XPR1: variants seen among roughly 807,000 people sequenced by gnomAD.
The protein encoded by XPR1 is solute carrier family 53 member 1.
In XPR1, 28 loss-of-function variants were observed where a neutral mutation model predicts 87.5. The ratio of observed to expected loss-of-function variants is 0.32; its 90% CI spans 0.24 to 0.44. XPR1 has a LOEUF of 0.44. XPR1 is among the 20% of genes least tolerant of loss of function. XPR1 has a pLI of 1.00. For missense variants in XPR1, 559 were observed against 862.3 expected (o/e 0.65, Z 4.41); for synonymous variants, 300 against 306.1 (o/e 0.98, Z 0.21).
chr1:180,781,461 A>G (rs1648936390), intron 2 of XPR1, among the ~76,000 whole-genome samples: 1 of 152,006 alleles, frequency 6.6e-6, no homozygotes, highest in Non-Finnish European at 1.5e-5. Flanking sequence ...CCTTTTATGT[A>G]TTTAACCCAA....
chr1:180,639,220 G>A (rs1283957147), intron 1 of XPR1, among the ~76,000 whole-genome samples: 4 of 152,054 alleles, frequency 2.6e-5, no homozygotes, highest in Admixed American at 6.5e-5. Context: ...CCCAGGAGGC[G>A]GAGGTTGCAG....
chr1:180,717,364 G>A (rs1307754983), intron 2 of XPR1, among the ~76,000 whole-genome samples: 1 of 152,036 alleles, frequency 6.6e-6, no homozygotes, highest in African/African-American at 2.4e-5. Flanking sequence ...TAAGAAGACT[G>A]TTTTTTAAAA....
intron 2 of XPR1, among the ~76,000 whole-genome samples, chr1:180,771,282 G>GC (rs1553246872): frequency 1.0e-4 from 15 of 148,842 alleles, no homozygotes; most frequent in African/African-American, 2.7e-4. Flanking sequence ...GTTTGAATTG[G>GC]TTTTTTTTTT....
chr1:180,685,181 A>C (rs1170493667), intron 2 of XPR1, among the ~76,000 whole-genome samples: 2 of 152,094 alleles, frequency 1.3e-5, no homozygotes, highest in Admixed American at 6.5e-5. Context: ...ATTTATTGAG[A>C]GTTTTTAGCA....
chr1:180,699,160 A>G (rs993002610), intron 2 of XPR1, among the ~76,000 whole-genome samples: 1 of 148,934 alleles, frequency 6.7e-6, no homozygotes, highest in Non-Finnish European at 1.5e-5. Context: ...TGTCTGCTTT[A>G]TAGTGTCCCA....
chr1:180,675,931 T>C (rs1400514195), intron 1 of XPR1, among the ~76,000 whole-genome samples: 1 of 152,194 alleles, frequency 6.6e-6, no homozygotes, highest in East Asian at 1.9e-4. Context: ...AGATCATTAC[T>C]ACCAAAAATA....
At chr1:180,643,447 G>A (rs1655017872) in intron 1 of XPR1, among the ~76,000 whole-genome samples, 1 of 152,088 alleles carries the variant, frequency 6.6e-6, no homozygotes, top group Admixed American at 6.6e-5. Flanking sequence ...AACAGTAATA[G>A]CATAACATTC....
chr1:180,857,420 CACTGTTGTGT>C (rs1652073690), intron 11 of XPR1, among the ~76,000 whole-genome samples: 1 of 152,138 alleles, frequency 6.6e-6, no homozygotes, highest in Admixed American at 6.5e-5. Flanking sequence ...AAATAAGATT[CACTGTTGTGT>C]ACCTGGTACC....
In XPR1 at chr1:180,656,421, A is replaced by T. The variant is rs1571686056; in HGVS notation, c.69+24151A>T. 1.1e-4 allele frequency among the ~76,000 whole-genome samples: 5 copies of T among 45,926 alleles called. 1 individual carries two copies. Among genetic ancestry groups the T allele is most frequent in the African/African-American group, 5.6e-4 (5 of 8,996 alleles). 30.1% of individuals were successfully genotyped at this position (45,926 alleles called of 152,430 possible). A position where few individuals can be genotyped will look rare whatever the true frequency, so the allele number is the denominator to read the frequency against. On this transcript the variant is annotated intron_variant, in intron 1 of 14. Coordinates refer to ENST00000367590, the MANE Select transcript of XPR1 (RefSeq NM_004736.4). Reference sequence around the variant, plus strand: ...TATAAATATTTATATATTTATATATAAATATTTATATATTTATATATAAAT... The same window carrying T: ...TATAAATATTTATATATTTATATATTAATATTTATATATTTATATATAAAT...
intron 2 of XPR1, among the ~76,000 whole-genome samples, chr1:180,750,485 T>C (rs1246352934): frequency 3.3e-5 from 5 of 152,136 alleles, no homozygotes; most frequent in East Asian, 1.9e-4. Context: ...TTTGCAAATA[T>C]ATTAAGGAAG....
At chr1:180,736,836 G>A (rs1373188728) in intron 2 of XPR1, among the ~76,000 whole-genome samples, 2 of 152,070 alleles carry the variant, frequency 1.3e-5, no homozygotes, top group Non-Finnish European at 2.9e-5. Context: ...GCAGGTATAC[G>A]CAGATTTACC....
chr1:180,851,006 A>G (rs552239269), intron 11 of XPR1, among the ~76,000 whole-genome samples: 3 of 152,074 alleles, frequency 2.0e-5, no homozygotes, highest in African/African-American at 7.2e-5. Flanking sequence ...TATTTCTTTT[A>G]AAGTGGTTAT....
At chr1:180,744,582 A>G (rs1659018683) in intron 2 of XPR1, among the ~76,000 whole-genome samples, 1 of 151,416 alleles carries the variant, frequency 6.6e-6, no homozygotes, top group Non-Finnish European at 1.5e-5. Flanking sequence ...ATTATGTTAG[A>G]AGATTCAAGG....
intron 2 of XPR1, among the ~76,000 whole-genome samples, chr1:180,697,440 C>T (rs780371577): frequency 6.2e-4 from 93 of 150,808 alleles, no homozygotes; most frequent in Non-Finnish European, 1.1e-3. Context: ...TTTTTTTAGT[C>T]TCTATTTTTG....
intron 2 of XPR1, among the ~76,000 whole-genome samples, chr1:180,722,932 T>G (rs1320042086): frequency 2.0e-5 from 3 of 152,340 alleles, no homozygotes; most frequent in African/African-American, 7.2e-5. Flanking sequence ...GCAAAATAAT[T>G]ATGTGGGTGA....
Position 180,880,229 on chromosome 1 carries a change from C to T in XPR1, c.1962C>T (p.Asn654=). The change falls in exon 14 of 15, where the codon AAC becomes AAT. Residue 654 remains asparagine, a synonymous_variant. Transcript: ENST00000367590. ...QMMDQDDGVR[N]RQKNRSWKYN... ...TGGACCAGGATGATGGGGTACGAAA[C>T]CGCCAGAAGAATCGGTCATGGAAGT... The T allele has an allele frequency of 6.2e-7, 1 of 1,614,184 alleles. No homozygotes were observed. Among genetic ancestry groups the T allele is most frequent in the African/African-American group, 1.3e-5 (1 of 75,052 alleles).
rs547646968 is a variant in XPR1, at chr1:180,844,975, C to T, written c.1501+8259C>T. On this transcript the variant is annotated intron_variant, in intron 11 of 14. Coordinates refer to ENST00000367590, the MANE Select transcript of XPR1 (RefSeq NM_004736.4). ...CTTCTGCCATGGAAACAGGGATGGG[C>T]TGAAAGGGAGAGAAGAGTTTTAAAA... 2.2e-4 allele frequency among the ~76,000 whole-genome samples: 33 copies of T among 152,212 alleles called. 1 individual carries two copies. The highest frequency in any genetic ancestry group is 2.2e-3 in the Admixed American group (33 of 15,292).
At chr1:180,721,117 A>C (rs1658166832) in intron 2 of XPR1, among the ~76,000 whole-genome samples, 1 of 151,736 alleles carries the variant, frequency 6.6e-6, no homozygotes, top group Non-Finnish European at 1.5e-5. Flanking sequence ...GCCACTTGGG[A>C]GGCTGAGGCA....
chr1:180,786,217 T>C (rs943587487), intron 2 of XPR1, among the ~76,000 whole-genome samples: 1 of 149,612 alleles, frequency 6.7e-6, no homozygotes, highest in Non-Finnish European at 1.5e-5. Context: ...TTCAGCATGC[T>C]TTTTAGAACC....
Sources: gnomAD v4.1 joint callset for allele counts (sites outside exome capture counted in the v4.1 genomes callset) on GRCh38, gnomAD v4.1.1 for gene constraint, MANE v1.5 for transcripts, NCBI Gene and HGNC (gene_info 2026-07-23, HGNC 2026-07-21) for gene names.